Variants in CALD1 observed in about 807,000 individuals in gnomAD.
CALD1 encodes the protein caldesmon.
CALD1 carries 33 observed loss-of-function variants against 99.9 expected under a neutral mutation model. The ratio of observed to expected loss-of-function variants is 0.33; its 90% CI spans 0.25 to 0.44. The LOEUF (loss-of-function observed/expected upper bound fraction) is 0.44. Ranked by LOEUF, CALD1 falls within the 20% of genes least tolerant of loss-of-function variation. The probability of loss-of-function intolerance (pLI) is 1.00; values close to 1 mark genes in which losing one functional copy is unlikely to be tolerated. For missense variants in CALD1, 861 were observed against 962.1 expected (o/e 0.89, Z 1.39); for synonymous variants, 310 against 325.0 (o/e 0.95, Z 0.50).
At chr7:134,855,077 C>T (rs185976192) in intron 2 of CALD1, among the ~76,000 whole-genome samples, 17 of 152,338 alleles carry the variant, frequency 1.1e-4, no homozygotes, top group Non-Finnish European at 2.1e-4. Flanking sequence ...CCTCCCCAGC[C>T]ATGTTACTCA....
In CALD1 at chr7:134,783,774, C is replaced by T. The variant is rs1797201085; in HGVS notation, c.-130+4025C>T. On this transcript the variant is annotated intron_variant, in intron 1 of 14. Transcript: ENST00000361675. This position sits in a 1 kb window ranked among gnomAD's most constrained non-coding sequence, Gnocchi z 4.3. ...GGGGAGTGGGGTCAGATCTGGATTC[C>T]CATAGAAGACAAGGGTGGATGGGAT... is the stretch of plus-strand genomic sequence containing the variant. 6.6e-6 allele frequency among the ~76,000 whole-genome samples: 1 copy of T among 152,000 alleles called. No individual in the cohort carries two copies. The highest frequency in any genetic ancestry group is 6.6e-5 in the Admixed American group (1 of 15,264).
the CALD1 span, among the ~76,000 whole-genome samples, chr7:134,716,913 G>A: frequency 2.0e-5 from 3 of 152,134 alleles, no homozygotes; most frequent in Non-Finnish European, 4.4e-5. Flanking sequence ...TGTGGTTATT[G>A]TTGTTGGTAA....
chr7:134,944,337 A>C (rs538530719), intron 7 of CALD1: 1 of 152,094 alleles, frequency 6.6e-6, no homozygotes, highest in South Asian at 2.1e-4. Flanking sequence ...TTATAACTGA[A>C]ACAAGTGTGT....
intron 1 of CALD1, among the ~76,000 whole-genome samples, chr7:134,791,363 A>AT (rs1797526359): frequency 6.6e-6 from 1 of 152,098 alleles, no homozygotes; most frequent in African/African-American, 2.4e-5. Context: ...TGCCCAGTTA[A>AT]TTTTTTGTAT....
chr7:134,752,197 G>A (rs1328969148), intron 1 of CALD1, among the ~76,000 whole-genome samples: 1 of 152,176 alleles, frequency 6.6e-6, no homozygotes, highest in Non-Finnish European at 1.5e-5. Context: ...AATCATCTTG[G>A]GGGTGTGACT....
chr7:134,873,176 A>G (rs1322550869), intron 3 of CALD1, among the ~76,000 whole-genome samples: 1 of 144,704 alleles, frequency 6.9e-6, no homozygotes, highest in Non-Finnish European at 1.5e-5. Context: ...GACAGAGCAA[A>G]AACAAACAAA....
chr7:134,930,197 G>A (rs1805424361), intron 4 of CALD1, among the ~76,000 whole-genome samples: 1 of 152,080 alleles, frequency 6.6e-6, no homozygotes, highest in South Asian at 2.1e-4. Context: ...TTGAAATCAG[G>A]GAACTTGAGA....
chr7:134,892,349 G>A (rs1563073201), intron 3 of CALD1, among the ~76,000 whole-genome samples: 1 of 152,198 alleles, frequency 6.6e-6, no homozygotes, highest in Non-Finnish European at 1.5e-5. Context: ...CGGTAGCAAA[G>A]CCATGTCTTT....
At chr7:134,891,757 A>T in intron 3 of CALD1, 2 of 978,104 alleles carry the variant, frequency 2.0e-6, no homozygotes, top group South Asian at 4.0e-5. Flanking sequence ...AAAAAAAAAA[A>T]AAAAAAAAAA....
At chr7:134,853,971 T>C (rs573245099) in intron 2 of CALD1, among the ~76,000 whole-genome samples, 65 of 152,148 alleles carry the variant, frequency 4.3e-4, no homozygotes, top group Non-Finnish European at 7.6e-4. Flanking sequence ...TGTTTGGTTT[T>C]CTGTTCTTGT....
At chr7:134,918,807 G>A (rs1309218151) in intron 3 of CALD1, among the ~76,000 whole-genome samples, 1 of 152,134 alleles carries the variant, frequency 6.6e-6, no homozygotes, top group Non-Finnish European at 1.5e-5. Context: ...ACCAGCCTGG[G>A]CAACATGGGG....
At chr7:134,880,556 C>T (rs1235858069) in intron 3 of CALD1, among the ~76,000 whole-genome samples, 5 of 152,200 alleles carry the variant, frequency 3.3e-5, no homozygotes, top group African/African-American at 1.2e-4. Flanking sequence ...ACATGTATAT[C>T]TCTGCCCACT....
intron 1 of CALD1, among the ~76,000 whole-genome samples, chr7:134,750,338 T>C (rs778571357): frequency 8.5e-5 from 13 of 152,104 alleles, no homozygotes; most frequent in Non-Finnish European, 1.8e-4. Flanking sequence ...TGCAGAGTCC[T>C]AGCCTCAGTG....
chr7:134,711,837 A>G, the CALD1 span, among the ~76,000 whole-genome samples: 1 of 151,198 alleles, frequency 6.6e-6, no homozygotes, highest in Non-Finnish European at 1.5e-5. Flanking sequence ...AAAAATACAG[A>G]AAAGTTAAAA....
At chr7:134,914,911 C>A (rs1000172838) in intron 3 of CALD1, among the ~76,000 whole-genome samples, 2 of 152,222 alleles carry the variant, frequency 1.3e-5, no homozygotes, top group African/African-American at 2.4e-5. Context: ...CTTAACAGGT[C>A]TTAACTTCCC....
intron 1 of CALD1, among the ~76,000 whole-genome samples, chr7:134,807,122 C>A (rs7796233): frequency 0.014 from 2,163 of 152,158 alleles, 49 homozygotes; most frequent in African/African-American, 0.049. Flanking sequence ...GAGGACTTAG[C>A]CCCTGGTCCT....
intron 1 of CALD1, among the ~76,000 whole-genome samples, chr7:134,749,931 C>T (rs1210974306): frequency 6.6e-6 from 1 of 152,072 alleles, no homozygotes; most frequent in Non-Finnish European, 1.5e-5. Context: ...GAATGCAGTT[C>T]CCAGTAAACA....
the CALD1 span, among the ~76,000 whole-genome samples, chr7:134,736,518 G>T: frequency 6.6e-6 from 1 of 152,268 alleles, no homozygotes; most frequent in African/African-American, 2.4e-5. Flanking sequence ...ACTCCAAAGA[G>T]AAATCACATG....
intron 1 of CALD1, among the ~76,000 whole-genome samples, chr7:134,818,500 G>A (rs1050143114): frequency 4.6e-5 from 7 of 152,140 alleles, no homozygotes; most frequent in East Asian, 1.9e-4. Flanking sequence ...TTTATTCGGC[G>A]GAGGTTTATG....
Sources: allele counts gnomAD v4.1 joint callset (sites outside exome capture counted in the v4.1 genomes callset), GRCh38; gene constraint gnomAD v4.1.1; non-coding constraint Gnocchi (gnomAD v3.1); transcripts MANE v1.5; gene names NCBI Gene and HGNC (gene_info 2026-07-23, HGNC 2026-07-21).